The following STK3 variants were observed in gnomAD, a reference collection of about 807,000 sequenced individuals.
STK3 encodes the protein serine/threonine-protein kinase 3.
STK3 carries 41 observed loss-of-function variants against 58.0 expected under a neutral mutation model. The observed-to-expected ratio is 0.71, with a 90% CI of 0.55 to 0.92. The LOEUF (loss-of-function observed/expected upper bound fraction) is 0.92. STK3 is among the 40% of genes least tolerant of loss of function. STK3 has a pLI of 0.00. For synonymous variants in STK3, 170 were observed against 191.0 expected (o/e 0.89, Z 0.91); for missense variants, 479 against 602.7 (o/e 0.79, Z 2.15).
intron 1 of STK3, among the ~76,000 whole-genome samples, chr8:98,808,636 T>A (rs1386386260): frequency 1.3e-5 from 2 of 152,224 alleles, no homozygotes; most frequent in Non-Finnish European, 2.9e-5. Flanking sequence ...GTGCAACAAT[T>A]ACTGTTATCC....
downstream of STK3, among the ~76,000 whole-genome samples, chr8:98,370,930 TG>T (rs1817603363): frequency 6.6e-6 from 1 of 152,118 alleles, no homozygotes; most frequent in Admixed American, 6.5e-5. Flanking sequence ...TATTGTAAAA[TG>T]TAGGGGTATT....
At chr8:98,663,278 C>T (rs1276746931) in intron 6 of STK3, among the ~76,000 whole-genome samples, 1 of 152,202 alleles carries the variant, frequency 6.6e-6, no homozygotes, top group Non-Finnish European at 1.5e-5. Flanking sequence ...AAATGCTCAT[C>T]ATCACTGGCC....
chr8:98,825,711 T>A (rs2131759995), upstream of STK3: 1 of 1,007,686 alleles, frequency 9.9e-7, no homozygotes, highest in African/African-American at 1.8e-5. Context: ...GGAGCGCGGC[T>A]CCTCCCGCCC....
chr8:98,892,608 G>A (rs1208713149), intron 1 of STK3, among the ~76,000 whole-genome samples: 1 of 152,028 alleles, frequency 6.6e-6, no homozygotes, highest in Non-Finnish European at 1.5e-5. Flanking sequence ...TGTCCCCTTT[G>A]CTTGGTACAC....
intron 1 of STK3, among the ~76,000 whole-genome samples, chr8:98,385,736 C>T (rs1404301802): frequency 2.0e-5 from 3 of 152,050 alleles, no homozygotes; most frequent in African/African-American, 4.8e-5. Context: ...TAAATGTGTG[C>T]CCCCCACACC....
rs57932163 is a variant in STK3 at position 98,750,461 on chromosome 8, C to CA, written c.237-1072dup. On this transcript the variant is annotated intron_variant, in intron 3 of 10. Transcript: ENST00000419617. The stretch of plus-strand genomic sequence containing the variant: ...TAAATATGACAGAAAAACAAATAAG[C>CA]AAAAAAAAAAAAAATTGAAAGTACA... Among the ~76,000 whole-genome samples, 940 of 106,860 alleles carry CA rather than the reference C, an allele frequency of 8.8e-3. 3 individuals are homozygous for CA. The highest frequency in any genetic ancestry group is 0.024 in the African/African-American group (696 of 29,346). The allele number at this position is 106,860 out of a possible 152,430, so 70.1% of individuals were successfully genotyped here.
intron 1 of STK3, among the ~76,000 whole-genome samples, chr8:98,816,658 C>A (rs1289453339): frequency 1.3e-5 from 2 of 152,034 alleles, no homozygotes; most frequent in Non-Finnish European, 1.5e-5. Flanking sequence ...CTCAGCCTCC[C>A]GAGTAGCTGG....
intron 3 of STK3, among the ~76,000 whole-genome samples, chr8:98,851,303 C>A (rs1450884625): frequency 2.6e-5 from 4 of 152,152 alleles, no homozygotes; most frequent in Non-Finnish European, 5.9e-5. Context: ...TGAACTGAAG[C>A]CATTCTCATC....
chr8:98,824,227 A>C (rs752365031), intron 1 of STK3, among the ~76,000 whole-genome samples: 5 of 152,234 alleles, frequency 3.3e-5, no homozygotes, highest in Admixed American at 6.5e-5. Context: ...TTAAAAGTGC[A>C]ACCACCACTT....
intron 10 of STK3, among the ~76,000 whole-genome samples, chr8:98,524,572 G>T (rs538744528): frequency 6.6e-6 from 1 of 152,274 alleles, no homozygotes; most frequent in South Asian, 2.1e-4. Flanking sequence ...ACTTGGTTAA[G>T]ATTATTCCTA....
chr8:98,452,464 A>G (rs1213754459), downstream of STK3, among the ~76,000 whole-genome samples: 3 of 152,222 alleles, frequency 2.0e-5, no homozygotes, highest in Non-Finnish European at 2.9e-5. Flanking sequence ...TTAAGTCTGT[A>G]GAAATGAGTC....
chr8:98,675,127 C>T (rs2130862906), intron 6 of STK3, among the ~76,000 whole-genome samples: 1 of 152,206 alleles, frequency 6.6e-6, no homozygotes, highest in South Asian at 2.1e-4. Flanking sequence ...ACATAAAGTG[C>T]TTCATGAATA....
rs557261682 is a variant in STK3 at position 98,586,023 on chromosome 8, A to C, written c.823-6234T>G. ...TAAGACAATGGGGTTTTCTAGATAT[A>C]CAATCATGTCATCAGCAGACAGGGA... On this transcript the variant is annotated intron_variant, in intron 7 of 10. Coordinates refer to ENST00000419617, the MANE Select transcript of STK3 (RefSeq NM_006281.4). 6.9e-4 allele frequency among the ~76,000 whole-genome samples: 105 copies of C among 152,306 alleles called. 1 individual carries two copies. The highest frequency in any genetic ancestry group is 2.5e-3 in the African/African-American group (104 of 41,550).
At chr8:98,861,344 A>AT (rs772895902) in intron 3 of STK3, among the ~76,000 whole-genome samples, 2,025 of 85,890 alleles carry the variant, frequency 0.024, 239 homozygotes, top group East Asian at 0.1. Flanking sequence ...GTTTCTTTGG[A>AT]TTTTTTTTTT....
chr8:98,695,661 A>G (rs1173042781), intron 6 of STK3, among the ~76,000 whole-genome samples: 2 of 152,150 alleles, frequency 1.3e-5, no homozygotes. Flanking sequence ...AGTTGTAGAT[A>G]TGAAGCATTA....
chr8:98,773,319 T>C (rs1297369263), intron 2 of STK3, among the ~76,000 whole-genome samples: 1 of 152,230 alleles, frequency 6.6e-6, no homozygotes, highest in Non-Finnish European at 1.5e-5. Flanking sequence ...TGACATGTTT[T>C]GTTATAAATT....
At chr8:98,793,539 C>T (rs1232762828) in intron 1 of STK3, among the ~76,000 whole-genome samples, 1 of 152,000 alleles carries the variant, frequency 6.6e-6, no homozygotes. Context: ...AACAAACAAG[C>T]AAACAAATAC....
chr8:98,428,968 G>C lies in STK3; in HGVS notation n.483+5159C>G, dbSNP rs1818288911. 1.2e-6 allele frequency: 2 copies of C among 1,613,974 alleles called. No homozygotes were observed. Among genetic ancestry groups the C allele is most frequent in the Non-Finnish European group, 8.5e-7 (1 of 1,180,024 alleles). ...TTGAAATACAGCTACAAAGAAGTAG[G>C]GCTGCTCTTGCTCTACCTCTCCGTG... On this transcript the variant is annotated intron_variant and non_coding_transcript_variant, in intron 3 of 3. Transcript: ENST00000517832. The surrounding 1 kb of genome is among the most constrained non-coding windows in gnomAD (Gnocchi z 6.7).
At chr8:98,715,996 G>A (rs942717736) in intron 4 of STK3, among the ~76,000 whole-genome samples, 6 of 152,010 alleles carry the variant, frequency 3.9e-5, no homozygotes, top group African/African-American at 1.2e-4. Context: ...CATGGATGAA[G>A]CTGGAAACCA....
Sources: allele counts gnomAD v4.1 joint callset (sites outside exome capture counted in the v4.1 genomes callset), GRCh38; gene constraint gnomAD v4.1.1; non-coding constraint Gnocchi (gnomAD v3.1); transcripts MANE v1.5; gene names NCBI Gene and HGNC (gene_info 2026-07-23, HGNC 2026-07-21).